The following GALNT2 variants were observed in gnomAD, a reference collection of about 807,000 sequenced individuals.
GALNT2 encodes the protein polypeptide N-acetylgalactosaminyltransferase 2.
A neutral mutation model predicts 81.4 loss-of-function variants in GALNT2; 31 were observed. The observed-to-expected ratio is 0.38, with a 90% CI of 0.29 to 0.51. The LOEUF (loss-of-function observed/expected upper bound fraction) is 0.51. Ranked by LOEUF, GALNT2 falls within the 20% of genes least tolerant of loss-of-function variation. GALNT2 has a pLI of 0.87. For missense variants in GALNT2, 629 were observed against 765.7 expected (o/e 0.82, Z 2.11); for synonymous variants, 303 against 287.4 (o/e 1.05, Z -0.55).
intron 1 of GALNT2, among the ~76,000 whole-genome samples, chr1:230,093,726 C>T (rs1234676788): frequency 1.3e-5 from 2 of 152,178 alleles, no homozygotes; most frequent in African/African-American, 2.4e-5. Context: ...TTTTACTGTA[C>T]CTCTGTGTTT....
intron 1 of GALNT2, among the ~76,000 whole-genome samples, chr1:230,128,601 C>G (rs1661267578): frequency 8.6e-6 from 1 of 115,952 alleles, no homozygotes. Context: ...AAGGGACTTT[C>G]ATAAGGGTGT....
intron 1 of GALNT2, among the ~76,000 whole-genome samples, chr1:230,142,080 A>G (rs1661759399): frequency 6.6e-6 from 1 of 151,846 alleles, no homozygotes; most frequent in African/African-American, 2.4e-5. Context: ...GGTTTGAGCT[A>G]CCACCCCTGG....
In GALNT2 at chr1:230,279,704, G is replaced by A. The variant is rs139370797; in HGVS notation, c.*246G>A. ...CGGGCCCCCTTCCCCAGGCCGGAGC[G>A]CCCCTCTTCCTTCCAGCTTTCACTT... On this transcript the variant is annotated 3_prime_UTR_variant, in exon 16 of 16. Transcript: ENST00000366672. This position sits in a 1 kb window ranked among gnomAD's most constrained non-coding sequence, Gnocchi z 4.6. 6.0e-4 allele frequency: 336 copies of A among 560,680 alleles called. No individual in the cohort carries two copies. The highest frequency in any genetic ancestry group is 5.3e-3 in the African/African-American group (283 of 53,690). 34.7% of individuals were successfully genotyped at this position (560,680 alleles called of 1,614,324 possible). A position where few individuals can be genotyped will look rare whatever the true frequency, so the allele number is the denominator to read the frequency against.
chr1:230,238,813 A>C (rs749293020), intron 6 of GALNT2, among the ~76,000 whole-genome samples: 4 of 152,174 alleles, frequency 2.6e-5, no homozygotes, highest in Non-Finnish European at 5.9e-5. Context: ...ATTTTCTTAA[A>C]ATGTATTTTT....
At position 230,243,829 on chromosome 1, in the gene GALNT2, G is replaced by A. The variant is rs1006471562; in HGVS notation, c.729+402G>A. Among the ~76,000 whole-genome samples, 9 of 152,146 alleles carry A rather than the reference G, an allele frequency of 5.9e-5. No homozygotes were observed. Among genetic ancestry groups the A allele is most frequent in the African/African-American group, 2.2e-4 (9 of 41,446 alleles). ...CAGCTCGCAGAGCGGGGCGTGCTGGGGAAGCTGTCCCTGGGGCCACCTCTC... is the reference window on the plus strand; with the variant it reads ...CAGCTCGCAGAGCGGGGCGTGCTGGAGAAGCTGTCCCTGGGGCCACCTCTC... On this transcript the variant is annotated intron_variant, in intron 7 of 15. Transcript: ENST00000366672. This position sits in a 1 kb window ranked among gnomAD's most constrained non-coding sequence, Gnocchi z 4.2.
rs183076179 is a variant in GALNT2, at chr1:230,257,513, T to C, written c.1136+2169T>C. Among the ~76,000 whole-genome samples the C allele has an allele frequency of 2.2e-3, 339 of 152,332 alleles. 3 individuals are homozygous for C. The highest frequency in any genetic ancestry group is 7.8e-3 in the African/African-American group (323 of 41,578). On this transcript the variant is annotated intron_variant, in intron 11 of 15. Transcript: ENST00000366672. This position sits in a 1 kb window ranked among gnomAD's most constrained non-coding sequence, Gnocchi z 4.6. ...TTTCCTCCAGTGTTCAGGACAGTCATGTGCTCTACACGTTTGTAGCCTAGA... is the reference window on the plus strand; with the variant it reads ...TTTCCTCCAGTGTTCAGGACAGTCACGTGCTCTACACGTTTGTAGCCTAGA...
chr1:230,228,203 C>T (rs535148114), intron 3 of GALNT2, among the ~76,000 whole-genome samples: 2 of 152,200 alleles, frequency 1.3e-5, no homozygotes, highest in South Asian at 4.2e-4. Context: ...TTAAAATATC[C>T]AGTATTGTAG....
chr1:230,177,102 A>T (rs1466713728), intron 1 of GALNT2, among the ~76,000 whole-genome samples: 1 of 152,272 alleles, frequency 6.6e-6, no homozygotes, highest in African/African-American at 2.4e-5. Flanking sequence ...CCTCTTGAGT[A>T]AAAATGCAGA....
At chr1:230,278,492 C>G (rs1383389260) in intron 15 of GALNT2, among the ~76,000 whole-genome samples, 14 of 152,050 alleles carry the variant, frequency 9.2e-5, no homozygotes, top group Admixed American at 9.2e-4. Flanking sequence ...GGGTTGTGCA[C>G]TTTGATTCTG....
Position 230,088,921 on chromosome 1 carries a change from A to C in GALNT2, c.126+21515A>C, listed in dbSNP as rs182630887. On this transcript the variant is annotated intron_variant, in intron 1 of 15. Coordinates refer to ENST00000366672, the MANE Select transcript of GALNT2 (RefSeq NM_004481.5). ...TTGTTCCCCATTTCCTCATCTCCCC[A>C]GTCCCTGGCAACCACTAGTGTACTT... Among the ~76,000 whole-genome samples the C allele has an allele frequency of 1.0e-3, 157 of 152,144 alleles. 3 individuals are homozygous for C. In the East Asian group the frequency reaches 0.026, roughly 25 times the overall value.
In GALNT2 at chr1:230,181,665, C is replaced by T. The variant is rs543787223; in HGVS notation, c.220+3354C>T. Among the ~76,000 whole-genome samples the T allele has an allele frequency of 1.5e-4, 23 of 152,134 alleles. No individual in the cohort carries two copies. In the South Asian group the frequency reaches 2.1e-3, roughly 14 times the overall value. On this transcript the variant is annotated intron_variant, in intron 2 of 15. Transcript: ENST00000366672. Reference sequence around the variant, plus strand: ...CAGCCCTCCCAAAGCGCTGGGATTACAGGCGTGAGCCAGCACACCCAGCCA... The same window carrying T: ...CAGCCCTCCCAAAGCGCTGGGATTATAGGCGTGAGCCAGCACACCCAGCCA...
At chr1:230,262,552 C>T (rs1182029527) in intron 11 of GALNT2, 21 bp from the exon 12 acceptor site, 1 of 1,597,130 alleles carries the variant, frequency 6.3e-7, no homozygotes, top group Non-Finnish European at 8.6e-7. Context: ...AATCACACCT[C>T]AAGATTTATT....
chr1:230,140,207 G>C (rs1470644035), intron 1 of GALNT2, among the ~76,000 whole-genome samples: 1 of 152,194 alleles, frequency 6.6e-6, no homozygotes, highest in Non-Finnish European at 1.5e-5. Context: ...GAATCCCAAG[G>C]CTTGGGTTTA....
At position 230,262,683 on chromosome 1, in the gene GALNT2, C is replaced by G. The variant is rs1258883513; in HGVS notation, c.1229+18C>G. The G allele has an allele frequency of 7.1e-6, 10 of 1,413,406 alleles. No individual in the cohort carries two copies. Among genetic ancestry groups the G allele is most frequent in the Non-Finnish European group, 1.0e-5 (10 of 998,788 alleles). The allele number at this position is 1,413,406 out of a possible 1,614,324, so 87.6% of individuals were successfully genotyped here. ...TATGGAAAGTAAGTGGCAGTTCTGC[C>G]TTCTCACAATTACTGGGGATTCTTG... On this transcript the variant is annotated intron_variant, in intron 12 of 15. Transcript: ENST00000366672.
intron 2 of GALNT2, among the ~76,000 whole-genome samples, chr1:230,198,187 C>T (rs565727492): frequency 1.3e-5 from 2 of 152,330 alleles, no homozygotes; most frequent in South Asian, 4.1e-4. Context: ...AAGCCCTTAA[C>T]AGGTGCTTGT....
chr1:230,142,923 C>T (rs1258229941), intron 1 of GALNT2, among the ~76,000 whole-genome samples: 2 of 152,186 alleles, frequency 1.3e-5, no homozygotes, highest in East Asian at 1.9e-4. Context: ...TTTGAGCTCT[C>T]CTGGGTCCTG....
At chr1:230,177,455 C>T (rs1400262008) in intron 1 of GALNT2, among the ~76,000 whole-genome samples, 1 of 151,850 alleles carries the variant, frequency 6.6e-6, no homozygotes, top group Admixed American at 6.5e-5. Context: ...ATACAGAAAC[C>T]TTTCTTATTT....
At chr1:230,273,225 A>G (rs868387108) in intron 14 of GALNT2, among the ~76,000 whole-genome samples, 1 of 152,242 alleles carries the variant, frequency 6.6e-6, no homozygotes, top group South Asian at 2.1e-4. Flanking sequence ...TTCATAGCAC[A>G]TAATAGTGCC....
chr1:230,208,512 G>A lies in GALNT2; in HGVS notation c.374+5222G>A, dbSNP rs575192689. On this transcript the variant is annotated intron_variant, in intron 3 of 15. Coordinates refer to ENST00000366672, the MANE Select transcript of GALNT2 (RefSeq NM_004481.5). ...TGGTGTTCAGGAGGAAGGTCTTAGC[G>A]GGAATGTAAATTTGGAAATGTTCAG... 2.8e-4 allele frequency among the ~76,000 whole-genome samples: 42 copies of A among 152,310 alleles called. No individual in the cohort carries two copies. In the South Asian group the frequency reaches 8.3e-3, roughly 30 times the overall value.
Sources: allele counts gnomAD v4.1 joint callset (sites outside exome capture counted in the v4.1 genomes callset), GRCh38; gene constraint gnomAD v4.1.1; non-coding constraint Gnocchi (gnomAD v3.1); transcripts MANE v1.5; gene names NCBI Gene and HGNC (gene_info 2026-07-23, HGNC 2026-07-21).